The following PRKAG2 variants were observed in gnomAD, a reference collection of about 807,000 sequenced individuals.
PRKAG2 encodes the protein 5'-AMP-activated protein kinase subunit gamma-2.
In PRKAG2, 26 loss-of-function variants were observed where a neutral mutation model predicts 69.6. That is an observed-to-expected ratio of 0.37 (90% CI 0.27 to 0.52). The LOEUF (loss-of-function observed/expected upper bound fraction) is 0.52. PRKAG2 is among the 20% of genes least tolerant of loss of function. The pLI is 0.90. For missense variants in PRKAG2, 557 were observed against 740.0 expected (o/e 0.75, Z 2.87); for synonymous variants, 293 against 285.0 (o/e 1.03, Z -0.28).
intron 3 of PRKAG2, among the ~76,000 whole-genome samples, chr7:151,724,904 G>A (rs1015071055): frequency 1.3e-5 from 2 of 152,094 alleles, no homozygotes; most frequent in Non-Finnish European, 2.9e-5. Flanking sequence ...GGGGCGTGGC[G>A]GGGCTGCTCA....
intron 2 of PRKAG2, among the ~76,000 whole-genome samples, chr7:151,784,029 C>A (rs62478216): frequency 1.3e-5 from 2 of 151,594 alleles, no homozygotes; most frequent in African/African-American, 4.9e-5. Context: ...CACACACAGG[C>A]ACCAGGGTGG....
At chr7:151,794,609 T>G (rs1351635682) in intron 1 of PRKAG2, among the ~76,000 whole-genome samples, 1 of 152,126 alleles carries the variant, frequency 6.6e-6, no homozygotes, top group Non-Finnish European at 1.5e-5. Context: ...AGGCCCCTCA[T>G]GCGGCTCCCG....
chr7:151,705,081 G>A (rs1838362774), intron 3 of PRKAG2, among the ~76,000 whole-genome samples: 1 of 152,174 alleles, frequency 6.6e-6, no homozygotes, highest in African/African-American at 2.4e-5. Context: ...CATTTTTGAC[G>A]ATTAGCAAGT....
intron 3 of PRKAG2, among the ~76,000 whole-genome samples, chr7:151,737,696 T>G (rs896796236): frequency 8.5e-5 from 13 of 152,216 alleles, no homozygotes; most frequent in Non-Finnish European, 5.9e-5. Context: ...CTGCTTTTCA[T>G]GCCTTTTCTC....
chr7:151,730,633 G>A (rs1054163887), intron 3 of PRKAG2, among the ~76,000 whole-genome samples: 2 of 152,166 alleles, frequency 1.3e-5, no homozygotes, highest in Admixed American at 6.5e-5. Flanking sequence ...GGCGCCAGAG[G>A]CAGTGTGAGG....
chr7:151,621,771 C>T (rs752534190), intron 5 of PRKAG2, among the ~76,000 whole-genome samples: 5 of 151,982 alleles, frequency 3.3e-5, no homozygotes, highest in Admixed American at 1.3e-4. Flanking sequence ...GATGGGGTTT[C>T]GCCATGGTGC....
At chr7:151,622,531 G>A (rs950296471) in intron 5 of PRKAG2, among the ~76,000 whole-genome samples, 1 of 152,152 alleles carries the variant, frequency 6.6e-6, no homozygotes, top group Non-Finnish European at 1.5e-5. Flanking sequence ...ACTACTCAAG[G>A]TACTCCCAGT....
intron 1 of PRKAG2, among the ~76,000 whole-genome samples, chr7:151,817,542 C>T (rs939317537): frequency 2.6e-5 from 4 of 152,166 alleles, no homozygotes; most frequent in African/African-American, 9.7e-5. Context: ...GGCTGTCAGG[C>T]CTCATGACCC....
intron 3 of PRKAG2, among the ~76,000 whole-genome samples, chr7:151,707,310 C>T (rs142129632): frequency 9.3e-4 from 142 of 152,280 alleles, no homozygotes; most frequent in African/African-American, 3.3e-3. Context: ...AAGGCAAGTC[C>T]CTGATAAGGC....
At chr7:151,783,605 C>T (rs150389179) in intron 2 of PRKAG2, among the ~76,000 whole-genome samples, 242 of 152,042 alleles carry the variant, frequency 1.6e-3, no homozygotes, top group African/African-American at 5.6e-3. Context: ...CAGGACAAAT[C>T]CTGAGAATAA....
chr7:151,642,702 A>G (rs534491022), intron 4 of PRKAG2, among the ~76,000 whole-genome samples: 1 of 152,346 alleles, frequency 6.6e-6, no homozygotes, highest in East Asian at 1.9e-4. Flanking sequence ...GTATCTTTTC[A>G]GAGAGAGTAG....
intron 1 of PRKAG2, among the ~76,000 whole-genome samples, chr7:151,844,583 T>C (rs1042655248): frequency 3.3e-5 from 5 of 152,184 alleles, no homozygotes; most frequent in African/African-American, 9.7e-5. Context: ...ATACGAAACG[T>C]AGAACAGACA....
intron 3 of PRKAG2, among the ~76,000 whole-genome samples, chr7:151,733,232 T>TC (rs1490333573): frequency 1.3e-5 from 2 of 152,158 alleles, no homozygotes; most frequent in African/African-American, 4.8e-5. Flanking sequence ...TCAACCCAGG[T>TC]CCCTGGGCTC....
rs560080587 is a variant in PRKAG2, at chr7:151,605,936, C to CAAAAAAAA, written c.755-10490_755-10483dup. On this transcript the variant is annotated intron_variant, in intron 5 of 15. Coordinates refer to ENST00000287878, the MANE Select transcript of PRKAG2 (RefSeq NM_016203.4). ...CTGGCGACAGAGCGAGACTCCGTCT[C>CAAAAAAAA]AAAAAAAAAAAAAAAAAAAAGAATT... Among the ~76,000 whole-genome samples the CAAAAAAAA allele has an allele frequency of 2.4e-3, 216 of 91,016 alleles. 6 individuals are homozygous for CAAAAAAAA. Among genetic ancestry groups the CAAAAAAAA allele is most frequent in the Middle Eastern group, 0.021 (4 of 188 alleles). 59.7% of individuals were successfully genotyped at this position (91,016 alleles called of 152,430 possible).
intron 6 of PRKAG2, among the ~76,000 whole-genome samples, chr7:151,593,365 T>C (rs1813702113): frequency 3.3e-5 from 5 of 152,158 alleles, no homozygotes; most frequent in Non-Finnish European, 2.9e-5. Flanking sequence ...TTTTAATTTT[T>C]GTATTCTTAA....
At chr7:151,701,138 A>G (rs770814101) in intron 3 of PRKAG2, among the ~76,000 whole-genome samples, 3 of 152,186 alleles carry the variant, frequency 2.0e-5, no homozygotes, top group Non-Finnish European at 4.4e-5. Flanking sequence ...CCACTGGAGC[A>G]GGCACCTGAC....
chr7:151,696,687 G>C (rs1455122620), intron 3 of PRKAG2, among the ~76,000 whole-genome samples: 1 of 152,222 alleles, frequency 6.6e-6, no homozygotes, highest in African/African-American at 2.4e-5. Flanking sequence ...TGAAGCCCCT[G>C]TCTGAAAAGT....
At chr7:151,599,670 G>A (rs757347676) in intron 5 of PRKAG2, among the ~76,000 whole-genome samples, 2 of 152,088 alleles carry the variant, frequency 1.3e-5, no homozygotes, top group African/African-American at 2.4e-5. Context: ...GTTCACCATC[G>A]GGTTTGGACT....
At position 151,632,081 on chromosome 7, in the gene PRKAG2, A is replaced by G; in HGVS notation, c.742T>C (p.Phe248Leu). ...AEAGMLEKLE[F>L]EDEAVEDSES... ...GGGGCGCACTCACCTTCGTCCTCGA[A>G]CTCCAGCTTCTCCAGCATGCCGGCT... Residue 248 changes from phenylalanine (F) to leucine (L), a missense_variant, in exon 5 of 16, where the codon TTC (phenylalanine) becomes CTC (leucine). Phe to Leu is a conservative substitution (Grantham distance 22). Transcript: ENST00000287878. This position sits in a 1 kb window ranked among gnomAD's most constrained non-coding sequence, Gnocchi z 4.2. The G allele has an allele frequency of 7.1e-7, 1 of 1,408,870 alleles. No individual in the cohort carries two copies. Among genetic ancestry groups the G allele is most frequent in the Non-Finnish European group, 9.4e-7 (1 of 1,067,492 alleles). The allele number at this position is 1,408,870 out of a possible 1,614,324, so 87.3% of individuals were successfully genotyped here. A position where few individuals can be genotyped will look rare whatever the true frequency, so the allele number is the denominator to read the frequency against.
Sources: allele counts gnomAD v4.1 joint callset (sites outside exome capture counted in the v4.1 genomes callset), GRCh38; gene constraint gnomAD v4.1.1; non-coding constraint Gnocchi (gnomAD v3.1); transcripts MANE v1.5; gene names NCBI Gene and HGNC (gene_info 2026-07-23, HGNC 2026-07-21).